Variants in GRID2 observed in about 807,000 individuals in gnomAD.
The protein encoded by GRID2 is glutamate receptor ionotropic, delta-2.
Under a neutral mutation model 114.8 loss-of-function variants are expected in GRID2, and 33 were observed. The ratio of observed to expected loss-of-function variants is 0.29; its 90% CI spans 0.22 to 0.38. GRID2 has a LOEUF of 0.38. Among genes scored for constraint, GRID2 ranks in the 10% least tolerant of loss-of-function variants. The pLI, the probability that GRID2 is intolerant of heterozygous loss-of-function variation, is 1.00. For missense variants in GRID2, 1,184 were observed against 1,257.7 expected (o/e 0.94, Z 0.89); for synonymous variants, 505 against 449.9 (o/e 1.12, Z -1.55).
intron 13 of GRID2, among the ~76,000 whole-genome samples, chr4:93,614,929 G>A (rs767892467): frequency 3.9e-5 from 6 of 152,064 alleles, no homozygotes; most frequent in Non-Finnish European, 5.9e-5. Flanking sequence ...TTTCTTCTCC[G>A]ATAATACTTC....
At chr4:93,457,493 G>C (rs753891435) in intron 11 of GRID2, among the ~76,000 whole-genome samples, 4 of 152,092 alleles carry the variant, frequency 2.6e-5, no homozygotes, top group Non-Finnish European at 5.9e-5. Flanking sequence ...TAATAAATGG[G>C]AAAATACAGA....
At chr4:93,681,150 C>A (rs1009849294) in intron 14 of GRID2, among the ~76,000 whole-genome samples, 10 of 150,796 alleles carry the variant, frequency 6.6e-5, no homozygotes, top group African/African-American at 1.5e-4. Flanking sequence ...ACAAACAGAG[C>A]GAAATCATGA....
At chr4:92,673,392 A>G (rs78588707) in intron 2 of GRID2, among the ~76,000 whole-genome samples, 2,234 of 152,240 alleles carry the variant, frequency 0.015, 51 homozygotes, top group African/African-American at 0.051. Context: ...GTGTGTTTTA[A>G]ATATTGAGTT....
intron 2 of GRID2, among the ~76,000 whole-genome samples, chr4:92,727,375 G>T (rs1736117708): frequency 6.6e-6 from 1 of 151,858 alleles, no homozygotes; most frequent in Non-Finnish European, 1.5e-5. Context: ...AATTCTCTAG[G>T]AATAGAAAGG....
Position 92,955,819 on chromosome 4 carries a change from T to A in GRID2, c.245-129176T>A, listed in dbSNP as rs1005599538. On this transcript the variant is annotated intron_variant, in intron 2 of 15. Coordinates refer to ENST00000282020, the MANE Select transcript of GRID2 (RefSeq NM_001510.4). ...TAAGGTGTAAGGAAGGGATCCAGTT[T>A]CAGCTTTCTACATATGGCTAGCCAG... Among the ~76,000 whole-genome samples, 68 of 152,172 alleles carry A rather than the reference T, an allele frequency of 4.5e-4. 1 individual carries two copies. The highest frequency in any genetic ancestry group is 5.0e-4 in the Non-Finnish European group (34 of 68,030).
At chr4:93,105,344 G>A (rs1051918951) in intron 3 of GRID2, among the ~76,000 whole-genome samples, 3 of 152,062 alleles carry the variant, frequency 2.0e-5, no homozygotes, top group Admixed American at 1.3e-4. Context: ...GGCTTTTGTT[G>A]CCATTGCTTT....
At chr4:93,499,627 T>A (rs1272442381) in intron 12 of GRID2, among the ~76,000 whole-genome samples, 1 of 151,884 alleles carries the variant, frequency 6.6e-6, no homozygotes, top group African/African-American at 2.4e-5. Context: ...GAATTAGCCA[T>A]TACTACACAT....
intron 2 of GRID2, among the ~76,000 whole-genome samples, chr4:92,964,428 T>G (rs1753007286): frequency 6.6e-6 from 1 of 151,920 alleles, no homozygotes; most frequent in Non-Finnish European, 1.5e-5. Context: ...TTAGAACAAA[T>G]GTACATGGGG....
intron 8 of GRID2, among the ~76,000 whole-genome samples, chr4:93,371,335 T>C (rs766994115): frequency 6.6e-6 from 1 of 152,132 alleles, no homozygotes; most frequent in Non-Finnish European, 1.5e-5. Flanking sequence ...TGCCCATGTT[T>C]AGCCATTACT....
At chr4:92,615,386 G>T (rs1042900321) in intron 2 of GRID2, among the ~76,000 whole-genome samples, 1 of 151,384 alleles carries the variant, frequency 6.6e-6, no homozygotes, top group African/African-American at 2.4e-5. Flanking sequence ...TGAAGCTTAG[G>T]GCTTCAACAT....
intron 2 of GRID2, among the ~76,000 whole-genome samples, chr4:92,922,700 C>T (rs1011508052): frequency 2.6e-5 from 4 of 152,108 alleles, no homozygotes; most frequent in Non-Finnish European, 5.9e-5. Context: ...ATAATAACCA[C>T]TTAGTGAAAT....
intron 8 of GRID2, among the ~76,000 whole-genome samples, chr4:93,242,532 A>G (rs571593827): frequency 6.6e-5 from 10 of 152,160 alleles, no homozygotes; most frequent in African/African-American, 2.2e-4. Context: ...TGGCAAGGCA[A>G]TGGTTGAAGT....
intron 13 of GRID2, among the ~76,000 whole-genome samples, chr4:93,610,804 G>C (rs1291493367): frequency 9.6e-6 from 1 of 103,824 alleles, no homozygotes; most frequent in Admixed American, 9.6e-5. Flanking sequence ...GCCCGGCTTT[G>C]GTATCAGAAT....
chr4:92,854,129 C>A (rs550863444), intron 2 of GRID2, among the ~76,000 whole-genome samples: 1 of 151,814 alleles, frequency 6.6e-6, no homozygotes, highest in East Asian at 1.9e-4. Flanking sequence ...TCCCTAAATA[C>A]AAGGGGTGGT....
At chr4:92,617,837 CCTTTT>C (rs1387652985) in intron 2 of GRID2, among the ~76,000 whole-genome samples, 4 of 151,488 alleles carry the variant, frequency 2.6e-5, no homozygotes, top group South Asian at 2.1e-4. Flanking sequence ...GGTCATTTGC[CCTTTT>C]CTTAATTAGA....
chr4:92,466,953 C>T (rs1395076934), intron 1 of GRID2, among the ~76,000 whole-genome samples: 3 of 151,508 alleles, frequency 2.0e-5, no homozygotes, highest in South Asian at 2.1e-4. Context: ...CTCGAATTAA[C>T]GGTGTAGAGA....
intron 2 of GRID2, among the ~76,000 whole-genome samples, chr4:92,922,242 G>A (rs867795074): frequency 1.2e-4 from 18 of 147,688 alleles, no homozygotes; most frequent in East Asian, 2.2e-4. Flanking sequence ...AGGTGCCATC[G>A]TCACCCCTTT....
At chr4:93,456,867 C>T (rs1723254646) in intron 11 of GRID2, among the ~76,000 whole-genome samples, 1 of 152,084 alleles carries the variant, frequency 6.6e-6, no homozygotes, top group African/African-American at 2.4e-5. Flanking sequence ...TAGTCTAGAA[C>T]CTTCATCTGA....
chr4:92,533,624 T>C (rs1458330226), intron 1 of GRID2, among the ~76,000 whole-genome samples: 3 of 152,168 alleles, frequency 2.0e-5, no homozygotes, highest in African/African-American at 7.2e-5. Flanking sequence ...CTTTATTTTT[T>C]TGTTGTCAAG....
Sources: allele counts gnomAD v4.1 joint callset (sites outside exome capture counted in the v4.1 genomes callset), GRCh38; gene constraint gnomAD v4.1.1; transcripts MANE v1.5; gene names NCBI Gene and HGNC (gene_info 2026-07-23, HGNC 2026-07-21).